Variants in ROR1 observed in about 807,000 individuals in gnomAD.
ROR1 encodes the protein inactive tyrosine-protein kinase transmembrane receptor ROR1.
Under a neutral mutation model 78.8 loss-of-function variants are expected in ROR1, and 19 were observed. The observed-to-expected ratio is 0.24, with a 90% CI of 0.17 to 0.35. The LOEUF is 0.35. ROR1 is among the 10% of genes least tolerant of loss of function. The pLI is 1.00. For synonymous variants in ROR1, 386 were observed against 433.6 expected (o/e 0.89, Z 1.36); for missense variants, 917 against 1,177.8 (o/e 0.78, Z 3.24).
intron 4 of ROR1, among the ~76,000 whole-genome samples, chr1:64,061,322 C>A (rs572705189): frequency 1.3e-5 from 2 of 152,212 alleles, no homozygotes; most frequent in South Asian, 4.1e-4. Flanking sequence ...GTCAAAAGTC[C>A]TCATTCTACA....
intron 1 of ROR1, among the ~76,000 whole-genome samples, chr1:63,996,791 G>A (rs1396336091): frequency 6.6e-6 from 1 of 152,134 alleles, no homozygotes. Flanking sequence ...ACTGGGAAAG[G>A]GACTTTACCA....
intron 1 of ROR1, among the ~76,000 whole-genome samples, chr1:63,945,924 G>A (rs1420425809): frequency 6.6e-6 from 1 of 152,190 alleles, no homozygotes; most frequent in African/African-American, 2.4e-5. Flanking sequence ...GGAGAACTGG[G>A]GAGCCCCCAG....
At chr1:63,967,357 TA>T (rs989289535) in intron 1 of ROR1, among the ~76,000 whole-genome samples, 4 of 151,932 alleles carry the variant, frequency 2.6e-5, no homozygotes, top group Admixed American at 1.3e-4. Context: ...TCCTATAACA[TA>T]AAAAAAATAC....
At chr1:63,948,850 C>G (rs1214492573) in intron 1 of ROR1, among the ~76,000 whole-genome samples, 2 of 152,200 alleles carry the variant, frequency 1.3e-5, no homozygotes, top group Non-Finnish European at 2.9e-5. Flanking sequence ...GACTCTGAAT[C>G]TGCCTCTGCT....
At chr1:63,959,367 G>T (rs756637957) in intron 1 of ROR1, among the ~76,000 whole-genome samples, 8 of 152,094 alleles carry the variant, frequency 5.3e-5, no homozygotes, top group Non-Finnish European at 1.0e-4. Context: ...GATGATACTG[G>T]GTAGACAGCT....
At chr1:64,109,302 C>T (rs1647977821) in intron 4 of ROR1, among the ~76,000 whole-genome samples, 1 of 152,120 alleles carries the variant, frequency 6.6e-6, no homozygotes, top group East Asian at 1.9e-4. Context: ...TACACATTTC[C>T]TATTAATTTT....
At chr1:64,011,204 T>A (rs1018963276) in intron 2 of ROR1, among the ~76,000 whole-genome samples, 3 of 152,220 alleles carry the variant, frequency 2.0e-5, no homozygotes, top group Non-Finnish European at 4.4e-5. Flanking sequence ...ATTATTTTTC[T>A]ATTAAATATT....
intron 1 of ROR1, among the ~76,000 whole-genome samples, chr1:63,870,209 A>G (rs920569697): frequency 2.6e-5 from 4 of 152,104 alleles, no homozygotes; most frequent in African/African-American, 9.7e-5. Flanking sequence ...TCCTCTCCCC[A>G]TACACCATAA....
intron 1 of ROR1, among the ~76,000 whole-genome samples, chr1:63,852,011 A>G (rs148865601): frequency 1.8e-4 from 27 of 152,372 alleles, no homozygotes; most frequent in African/African-American, 6.5e-4. Flanking sequence ...AGAACTAAAG[A>G]GATTTTATTC....
chr1:63,999,924 A>G (rs1421753034), intron 1 of ROR1, among the ~76,000 whole-genome samples: 1 of 152,208 alleles, frequency 6.6e-6, no homozygotes, highest in Non-Finnish European at 1.5e-5. Context: ...TCAGTCTGTC[A>G]TGGAATTGCA....
intron 4 of ROR1, among the ~76,000 whole-genome samples, chr1:64,080,726 T>C (rs1345569301): frequency 6.6e-6 from 1 of 151,876 alleles, no homozygotes; most frequent in African/African-American, 2.4e-5. Context: ...GGGCCAAGAG[T>C]ACGGATGGAG....
At chr1:64,126,888 A>G (rs1648730183) in intron 4 of ROR1, among the ~76,000 whole-genome samples, 1 of 152,028 alleles carries the variant, frequency 6.6e-6, no homozygotes, top group Admixed American at 6.6e-5. Context: ...TTTTCTGTTC[A>G]TTATCTTTCT....
chr1:63,884,562 G>T (rs985433799), intron 1 of ROR1, among the ~76,000 whole-genome samples: 1 of 152,148 alleles, frequency 6.6e-6, no homozygotes, highest in Non-Finnish European at 1.5e-5. Context: ...TCAGCCTTTT[G>T]ATTCATAAAC....
At chr1:63,983,733 A>G (rs1243892545) in intron 1 of ROR1, among the ~76,000 whole-genome samples, 1 of 152,080 alleles carries the variant, frequency 6.6e-6, no homozygotes, top group Non-Finnish European at 1.5e-5. Context: ...TCATTCTTTA[A>G]TATTGCGGTT....
intron 1 of ROR1, among the ~76,000 whole-genome samples, chr1:63,880,427 G>T (rs745480369): frequency 1.3e-5 from 2 of 152,156 alleles, no homozygotes; most frequent in Non-Finnish European, 2.9e-5. Flanking sequence ...AGAAAAACCT[G>T]AGTCTTCATA....
chr1:63,873,746 AAAGCC>A (rs10550364), intron 1 of ROR1, among the ~76,000 whole-genome samples: 60,183 of 151,596 alleles, frequency 0.4, 13,070 homozygotes, highest in African/African-American at 0.58. Context: ...GAAATTTTAA[AAAGCC>A]ACACTAATAG....
chr1:63,949,302 C>T (rs985551718), intron 1 of ROR1, among the ~76,000 whole-genome samples: 1 of 152,138 alleles, frequency 6.6e-6, no homozygotes, highest in Admixed American at 6.5e-5. Context: ...TTACCAATGA[C>T]TTTCTTTTTT....
At chr1:63,821,245 A>T (rs1257295782) in intron 1 of ROR1, among the ~76,000 whole-genome samples, 1 of 152,096 alleles carries the variant, frequency 6.6e-6, no homozygotes, top group African/African-American at 2.4e-5. Context: ...AGGTTCCTTG[A>T]CCCCAGTTTC....
chr1:64,076,249 G>A (rs1647049681), intron 4 of ROR1, among the ~76,000 whole-genome samples: 1 of 152,132 alleles, frequency 6.6e-6, no homozygotes, highest in Non-Finnish European at 1.5e-5. Context: ...CTTTGAAATT[G>A]GACCCTTCTG....
Sources: gnomAD v4.1 joint callset for allele counts (sites outside exome capture counted in the v4.1 genomes callset) on GRCh38, gnomAD v4.1.1 for gene constraint, MANE v1.5 for transcripts, NCBI Gene and HGNC (gene_info 2026-07-23, HGNC 2026-07-21) for gene names.